Variants in RASEF observed in about 807,000 individuals in gnomAD.
RASEF encodes RAS and EF-hand domain containing, also known as ras and EF-hand domain-containing protein.
A neutral mutation model predicts 90.1 loss-of-function variants in RASEF; 68 were observed. The observed-to-expected ratio is 0.75, with a 90% CI of 0.62 to 0.92. The LOEUF is 0.92. RASEF is among the 40% of genes least tolerant of loss of function. The pLI is 0.00. For synonymous variants in RASEF, 331 were observed against 345.2 expected (o/e 0.96, Z 0.46); for missense variants, 949 against 937.2 (o/e 1.01, Z -0.16).
At chr9:83,144,318 AGAAAGAAG>A in the RASEF span, among the ~76,000 whole-genome samples, 1 of 115,876 alleles carries the variant, frequency 8.6e-6, no homozygotes, top group African/African-American at 3.5e-5. Flanking sequence ...ACTAAAAGAA[AGAAAGAAG>A]GAAAGAAAGA....
the RASEF span, among the ~76,000 whole-genome samples, chr9:83,120,589 A>G: frequency 7.2e-5 from 11 of 152,228 alleles, no homozygotes; most frequent in African/African-American, 2.7e-4. Context: ...GTTGTTCATT[A>G]TCACAACATA....
chr9:82,998,567 T>A, intron 12 of RASEF, 121 bp from the exon 13 acceptor site: 2 of 679,240 alleles, frequency 2.9e-6, no homozygotes, highest in South Asian at 3.3e-5. Flanking sequence ...GAGGGAGGAA[T>A]GAACATGACC....
At position 82,981,335 on chromosome 9, in the gene RASEF, G is replaced by A. The variant is rs1828596512; in HGVS notation, c.*1342C>T. 1 of 152,292 alleles carries A rather than the reference G, an allele frequency of 6.6e-6. No homozygotes were observed. Among genetic ancestry groups the A allele is most frequent in the Admixed American group, 6.5e-5 (1 of 15,296 alleles). 9.4% of individuals were successfully genotyped at this position (152,292 alleles called of 1,614,324 possible). A position where few individuals can be genotyped will look rare whatever the true frequency, so the allele number is the denominator to read the frequency against. ...TAGGCCCAACCAGGTCACTGGTGAT[G>A]ATGAGCCACTAGTCACATTAAACAA... On this transcript the variant is annotated 3_prime_UTR_variant, in exon 17 of 17. Transcript: ENST00000376447.
chr9:83,005,374 C>T (rs201567984), intron 8 of RASEF, 42 bp downstream of exon 8: 2 of 1,384,714 alleles, frequency 1.4e-6, no homozygotes, highest in African/African-American at 1.4e-5. Context: ...AATACTCCAC[C>T]ACTAGAAAGA....
the RASEF span, among the ~76,000 whole-genome samples, chr9:83,121,605 G>A: frequency 7.8e-6 from 1 of 128,684 alleles, no homozygotes; most frequent in Non-Finnish European, 1.7e-5. Flanking sequence ...ATGACAGACT[G>A]TGTGGCCCCT....
chr9:83,017,435 G>A (rs1829363400), intron 3 of RASEF, among the ~76,000 whole-genome samples: 1 of 151,882 alleles, frequency 6.6e-6, no homozygotes, highest in Non-Finnish European at 1.5e-5. Flanking sequence ...GGGAGGTGGA[G>A]CCTGCAGTGA....
chr9:83,056,130 C>T lies in RASEF; in HGVS notation c.431+6307G>A, dbSNP rs114005305. On this transcript the variant is annotated intron_variant, in intron 1 of 16. Coordinates refer to ENST00000376447, the MANE Select transcript of RASEF (RefSeq NM_152573.4). ...TTTTATAAGACATATAGACTAAGGC[C>T]TTAAGGGTTAAAATTCACTCTTCTT... Among the ~76,000 whole-genome samples, 1,072 of 152,288 alleles carry T rather than the reference C, an allele frequency of 7.0e-3. 11 individuals carry two copies. Among genetic ancestry groups the T allele is most frequent in the African/African-American group, 0.024 (1,014 of 41,562 alleles).
the RASEF span, among the ~76,000 whole-genome samples, chr9:83,113,516 ACTTTT>A: frequency 6.6e-5 from 10 of 152,220 alleles, no homozygotes; most frequent in African/African-American, 2.4e-4. Flanking sequence ...ATAGAGCCAT[ACTTTT>A]CTTCTTGCAG....
chr9:83,046,635 A>T (rs762305126), intron 1 of RASEF, among the ~76,000 whole-genome samples: 1 of 152,206 alleles, frequency 6.6e-6, no homozygotes, highest in Admixed American at 6.5e-5. Flanking sequence ...GAGTATCCTA[A>T]AATGGATTTT....
At chr9:83,148,509 A>G in the RASEF span, among the ~76,000 whole-genome samples, 1 of 152,158 alleles carries the variant, frequency 6.6e-6, no homozygotes, top group East Asian at 1.9e-4. Flanking sequence ...AACAAACCAC[A>G]GGATGGGAGA....
At chr9:83,018,448 A>G (rs1448835139) in intron 3 of RASEF, among the ~76,000 whole-genome samples, 4 of 152,172 alleles carry the variant, frequency 2.6e-5, no homozygotes, top group African/African-American at 9.7e-5. Context: ...AACATTGCTG[A>G]AAGAAGACAT....
At chr9:83,046,346 T>C (rs940600882) in intron 1 of RASEF, among the ~76,000 whole-genome samples, 6 of 152,236 alleles carry the variant, frequency 3.9e-5, no homozygotes, top group African/African-American at 7.2e-5. Flanking sequence ...ATTCTCATTA[T>C]AGAAGTATAG....
the RASEF span, among the ~76,000 whole-genome samples, chr9:83,177,110 T>C: frequency 6.6e-6 from 1 of 152,140 alleles, no homozygotes; most frequent in African/African-American, 2.4e-5. Context: ...TATATACATA[T>C]TGTTTTGTAA....
At chr9:83,052,803 C>G (rs1380787982) in intron 1 of RASEF, among the ~76,000 whole-genome samples, 2 of 130,720 alleles carry the variant, frequency 1.5e-5, no homozygotes, top group African/African-American at 3.1e-5. Context: ...CGTTATGTAC[C>G]CAGTAGTCAT....
the RASEF span, among the ~76,000 whole-genome samples, chr9:83,161,019 A>G: frequency 3.3e-5 from 5 of 152,180 alleles, no homozygotes; most frequent in Admixed American, 3.3e-4. Flanking sequence ...CTGAATGCAC[A>G]GGCAGAAGTT....
the RASEF span, among the ~76,000 whole-genome samples, chr9:83,165,435 C>T: frequency 4.5e-4 from 68 of 152,136 alleles, no homozygotes; most frequent in Admixed American, 1.5e-3. Context: ...TCAAGAGATG[C>T]TCTAAAATAT....
At chr9:83,176,949 T>C in the RASEF span, among the ~76,000 whole-genome samples, 1 of 152,098 alleles carries the variant, frequency 6.6e-6, no homozygotes, top group African/African-American at 2.4e-5. Context: ...AACCTTCTTA[T>C]TATTTCTGGT....
At chr9:83,017,271 G>A (rs1012714822) in intron 3 of RASEF, among the ~76,000 whole-genome samples, 2 of 151,378 alleles carry the variant, frequency 1.3e-5, no homozygotes, top group African/African-American at 4.9e-5. Context: ...GGATCACGAG[G>A]TCAGGAGACT....
chr9:83,026,601 C>A (rs1344299664), intron 1 of RASEF, among the ~76,000 whole-genome samples: 1 of 152,098 alleles, frequency 6.6e-6, no homozygotes, highest in African/African-American at 2.4e-5. Flanking sequence ...AAGCACCTCC[C>A]AACAGCTCTC....
Sources: allele counts gnomAD v4.1 joint callset (sites outside exome capture counted in the v4.1 genomes callset), GRCh38; gene constraint gnomAD v4.1.1; transcripts MANE v1.5; gene names NCBI Gene and HGNC (gene_info 2026-07-23, HGNC 2026-07-21).